TRPC4: variants seen among roughly 807,000 people sequenced by gnomAD.
TRPC4 encodes transient receptor potential cation channel subfamily C member 4, also known as short transient receptor potential channel 4.
A neutral mutation model predicts 99.4 loss-of-function variants in TRPC4; 49 were observed. That is an observed-to-expected ratio of 0.49 (90% CI 0.39 to 0.63). TRPC4 has a LOEUF of 0.63. TRPC4 is among the 20% of genes least tolerant of loss of function. TRPC4 has a pLI of 0.00. For missense variants in TRPC4, 898 were observed against 1,152.9 expected (o/e 0.78, Z 3.20); for synonymous variants, 454 against 425.9 (o/e 1.07, Z -0.81).
chr13:37,865,063 A>G (rs1332485093), intron 1 of TRPC4, among the ~76,000 whole-genome samples: 1 of 151,778 alleles, frequency 6.6e-6, no homozygotes, highest in African/African-American at 2.4e-5. Context: ...TTCAACCTCA[A>G]TGTCAATAGG....
At chr13:37,670,402 T>G in intron 5 of TRPC4, among the ~76,000 whole-genome samples, 1 of 152,202 alleles carries the variant, frequency 6.6e-6, no homozygotes, top group East Asian at 1.9e-4. Flanking sequence ...GACCTATGAA[T>G]GGACTTTGTT....
chr13:37,643,344 G>A (rs1951781319), intron 8 of TRPC4, among the ~76,000 whole-genome samples: 1 of 152,184 alleles, frequency 6.6e-6, no homozygotes, highest in African/African-American at 2.4e-5. Flanking sequence ...AGTCCAAAAG[G>A]TGGATTGCCA....
chr13:37,793,688 G>A (rs1217938019), intron 1 of TRPC4, among the ~76,000 whole-genome samples: 1 of 152,016 alleles, frequency 6.6e-6, no homozygotes, highest in East Asian at 1.9e-4. Context: ...TAAGATAAAA[G>A]TTATTGTGTG....
chr13:37,712,880 T>C (rs1048259872), intron 3 of TRPC4, among the ~76,000 whole-genome samples: 1 of 152,026 alleles, frequency 6.6e-6, no homozygotes, highest in Non-Finnish European at 1.5e-5. Flanking sequence ...TATTTGTTCC[T>C]CAAAAGAGAA....
rs1952523851 is a variant in TRPC4, at chr13:37,663,451, G to A, written c.1653C>T (p.Gly551=). The A allele has an allele frequency of 6.2e-7, 1 of 1,613,950 alleles. No individual in the cohort carries two copies. Among genetic ancestry groups the A allele is most frequent in the African/African-American group, 1.3e-5 (1 of 75,036 alleles). ...CATTATTCTGCTTTTCACATCTTAT[G>A]CCTTTGCAGGTTAACCCTTTCGTTT... ...YEETKGLTCK[G]IRCEKQNNAF... Residue 551 remains glycine (G), a synonymous_variant, in exon 6 of 11, where the codon GGC becomes GGT. Transcript: ENST00000379705.
chr13:37,833,976 C>G (rs2139604837), intron 1 of TRPC4, among the ~76,000 whole-genome samples: 1 of 152,270 alleles, frequency 6.6e-6, no homozygotes, highest in South Asian at 2.1e-4. Flanking sequence ...TTTTCTATAA[C>G]TGAGCTAATA....
Position 37,783,084 on chromosome 13 carries a change from C to T in TRPC4, c.250G>A (p.Glu84Lys). 2.5e-6 allele frequency: 4 copies of T among 1,613,288 alleles called. No homozygotes were observed. Among genetic ancestry groups the T allele is most frequent in the Non-Finnish European group, 3.4e-6 (4 of 1,179,722 alleles). The change falls in exon 2 of 11, where the codon GAG (glutamate) becomes AAG (lysine). Residue 84 changes from glutamate to lysine, a missense_variant. By Grantham distance (56) the Glu-to-Lys change is moderately conservative (BLOSUM62 1). Around this residue, in one of 3 missense-constraint regions of TRPC4, gnomAD observed 278 missense variants for 346.6 expected, o/e 0.80. Coordinates refer to ENST00000379705, the MANE Select transcript of TRPC4 (RefSeq NM_016179.4). ...LLIAIENENL[E>K]LIELLLSFNV... ...AAGCTTAAGAGTAGTTCGATGAGCT[C>T]CAAGTTCTCATTTTCAATTGCAATG...
In TRPC4 at chr13:37,636,579, C is replaced by G. The variant is rs921423779; in HGVS notation, c.*324G>C. On this transcript the variant is annotated 3_prime_UTR_variant, in exon 11 of 11. Coordinates refer to ENST00000379705, the MANE Select transcript of TRPC4 (RefSeq NM_016179.4). ...TATCTATTTTAGGAGTCAACTACCA[C>G]ATGAAATAAATTGCATTTGTTTTAA... The G allele has an allele frequency of 5.4e-6, 1 of 186,016 alleles. No individual in the cohort carries two copies. Among genetic ancestry groups the G allele is most frequent in the Non-Finnish European group, 1.1e-5 (1 of 91,038 alleles). 11.5% of individuals were successfully genotyped at this position (186,016 alleles called of 1,614,324 possible).
At chr13:37,696,860 G>T (rs1953918987) in intron 3 of TRPC4, among the ~76,000 whole-genome samples, 1 of 151,150 alleles carries the variant, frequency 6.6e-6, no homozygotes, top group Admixed American at 6.6e-5. Context: ...AGGGTCTAAG[G>T]ATTATTTACA....
At chr13:37,806,622 C>A (rs1296539160) in intron 1 of TRPC4, among the ~76,000 whole-genome samples, 1 of 151,962 alleles carries the variant, frequency 6.6e-6, no homozygotes, top group Admixed American at 6.6e-5. Context: ...ATTAGTGCAC[C>A]TGAAAAAATA....
At position 37,832,204 on chromosome 13, in the gene TRPC4, G is replaced by A. The variant is rs369081490; in HGVS notation, c.-28+37391C>T. 1.1e-4 allele frequency among the ~76,000 whole-genome samples: 16 copies of A among 152,106 alleles called. 1 individual carries two copies. In the East Asian group the frequency reaches 1.2e-3, roughly 11 times the overall value. Reference sequence around the variant, plus strand: ...AGTAAAATAATTTTTTAAATGACACGATATTGTTGTTTTTAAGCCAACAAA... The same window carrying A: ...AGTAAAATAATTTTTTAAATGACACAATATTGTTGTTTTTAAGCCAACAAA... On this transcript the variant is annotated intron_variant, in intron 1 of 10. Transcript: ENST00000379705.
intron 1 of TRPC4, among the ~76,000 whole-genome samples, chr13:37,863,088 T>C (rs773254090): frequency 3.3e-5 from 5 of 151,544 alleles, no homozygotes; most frequent in Non-Finnish European, 5.9e-5. Context: ...AGCCTAGGTA[T>C]GTAGTAAGCT....
intron 2 of TRPC4, among the ~76,000 whole-genome samples, chr13:37,747,412 G>T (rs555461998): frequency 6.6e-6 from 1 of 152,226 alleles, no homozygotes; most frequent in South Asian, 2.1e-4. Context: ...ACTGCACTAT[G>T]TTGCTTTAGC....
At chr13:37,853,403 T>A (rs1959106311) in intron 1 of TRPC4, among the ~76,000 whole-genome samples, 1 of 152,122 alleles carries the variant, frequency 6.6e-6, no homozygotes, top group South Asian at 2.1e-4. Flanking sequence ...ATATTGGGCT[T>A]GCGGCCCAAG....
chr13:37,644,660 GGA>G (rs1951815325), intron 8 of TRPC4, among the ~76,000 whole-genome samples: 1 of 151,944 alleles, frequency 6.6e-6, no homozygotes, highest in Non-Finnish European at 1.5e-5. Context: ...CACGAGGTCA[GGA>G]GCTCAAGACC....
At chr13:37,837,303 C>T (rs1224830633) in intron 1 of TRPC4, among the ~76,000 whole-genome samples, 1 of 152,214 alleles carries the variant, frequency 6.6e-6, no homozygotes, top group African/African-American at 2.4e-5. Flanking sequence ...CCACCTTCCT[C>T]CAGACCCTAG....
intron 1 of TRPC4, among the ~76,000 whole-genome samples, chr13:37,817,755 T>C (rs1371221786): frequency 6.6e-6 from 1 of 151,978 alleles, no homozygotes; most frequent in Non-Finnish European, 1.5e-5. Context: ...TATTCAATCT[T>C]TGACAAATCA....
chr13:37,820,883 G>C (rs925696371), intron 1 of TRPC4, among the ~76,000 whole-genome samples: 1 of 151,974 alleles, frequency 6.6e-6, no homozygotes, highest in Admixed American at 6.6e-5. Context: ...AACAAAACAA[G>C]GATGTCCTCT....
At chr13:37,733,620 C>A (rs938379592) in intron 3 of TRPC4, among the ~76,000 whole-genome samples, 3 of 152,102 alleles carry the variant, frequency 2.0e-5, no homozygotes, top group Non-Finnish European at 4.4e-5. Flanking sequence ...AATATCACAG[C>A]ATTTTATAAC....
Sources: gnomAD v4.1 joint callset for allele counts (sites outside exome capture counted in the v4.1 genomes callset) on GRCh38, gnomAD v4.1.1 for gene constraint, gnomAD v4.1.1 regional missense constraint, MANE v1.5 for transcripts, NCBI Gene and HGNC (gene_info 2026-07-23, HGNC 2026-07-21) for gene names.